The following CCDC171 variants were observed in gnomAD, a reference collection of about 807,000 sequenced individuals.
CCDC171 encodes the protein coiled-coil domain-containing protein 171.
A neutral mutation model predicts 168.2 loss-of-function variants in CCDC171; 177 were observed. The ratio of observed to expected loss-of-function variants is 1.05; its 90% confidence interval spans 0.93 to 1.19. The LOEUF (loss-of-function observed/expected upper bound fraction) is 1.19. Among genes scored for constraint, CCDC171 ranks in the 50% most tolerant of loss-of-function variants. The probability of loss-of-function intolerance (pLI) is 0.00; values close to 1 mark genes in which losing one functional copy is unlikely to be tolerated. For synonymous variants in CCDC171, 687 were observed against 540.8 expected, an observed-to-expected ratio of 1.27 and a Z score of -3.75; for missense variants, 1,991 against 1,539.0, an observed-to-expected ratio of 1.29 and a Z score of -4.91.
At chr9:15,944,640 A>G (rs558149336) in intron 25 of CCDC171, among the ~76,000 whole-genome samples, 1 of 152,060 alleles carries the variant, frequency 6.6e-6, no homozygotes, top group Non-Finnish European at 1.5e-5. Flanking sequence ...GTAGCTAGGC[A>G]TGCGGGTTTA....
At chr9:15,633,200 C>T (rs554745923) in intron 7 of CCDC171, among the ~76,000 whole-genome samples, 32 of 152,302 alleles carry the variant, frequency 2.1e-4, no homozygotes, top group Admixed American at 7.2e-4. Flanking sequence ...AGAGCTCCTA[C>T]ACAGCAAAAG....
chr9:16,002,486 A>G (rs1287840320), intron 3 of CCDC171, among the ~76,000 whole-genome samples: 1 of 152,180 alleles, frequency 6.6e-6, no homozygotes, highest in Non-Finnish European at 1.5e-5. Flanking sequence ...AGTTTTGTAC[A>G]ACTGTACGTT....
upstream of CCDC171, among the ~76,000 whole-genome samples, chr9:16,039,536 A>G (rs1833537330): frequency 6.6e-6 from 1 of 152,174 alleles, no homozygotes; most frequent in South Asian, 2.1e-4. Context: ...CTCACGGAAC[A>G]GTCTAATTTC....
chr9:16,035,036 C>T (rs889409388), intron 6 of CCDC171, among the ~76,000 whole-genome samples: 12 of 152,180 alleles, frequency 7.9e-5, no homozygotes, highest in Non-Finnish European at 1.3e-4. Flanking sequence ...CCTTTGACGT[C>T]TCCGTTAGTA....
At chr9:15,801,060 G>A (rs2058798175) in intron 21 of CCDC171, among the ~76,000 whole-genome samples, 1 of 151,806 alleles carries the variant, frequency 6.6e-6, no homozygotes, top group Non-Finnish European at 1.5e-5. Flanking sequence ...CTCCAGTTTT[G>A]TTCTTTTTGC....
At chr9:15,908,396 A>T (rs77940483) in intron 24 of CCDC171, among the ~76,000 whole-genome samples, 9 of 152,130 alleles carry the variant, frequency 5.9e-5, no homozygotes, top group African/African-American at 1.9e-4. Flanking sequence ...TCAGCCAACT[A>T]TCACAAGGAG....
intron 25 of CCDC171, among the ~76,000 whole-genome samples, chr9:15,925,403 G>A (rs1038033348): frequency 6.6e-6 from 1 of 151,654 alleles, no homozygotes; most frequent in Admixed American, 6.6e-5. Flanking sequence ...AGAAAGACCA[G>A]TGTGGCTGGC....
At chr9:15,797,689 G>A (rs938191325) in intron 21 of CCDC171, among the ~76,000 whole-genome samples, 5 of 151,788 alleles carry the variant, frequency 3.3e-5, no homozygotes, top group Admixed American at 2.0e-4. Flanking sequence ...ACATTTTGAT[G>A]AAGTATCCAT....
intron 25 of CCDC171, among the ~76,000 whole-genome samples, chr9:15,971,177 A>G (rs1831325699): frequency 6.6e-6 from 1 of 152,206 alleles, no homozygotes; most frequent in South Asian, 2.1e-4. Context: ...TTTAAAAAAC[A>G]TAAATACTCA....
chr9:15,730,359 T>C (rs1315430866), intron 16 of CCDC171, among the ~76,000 whole-genome samples: 1 of 152,000 alleles, frequency 6.6e-6, no homozygotes, highest in African/African-American at 2.4e-5. Context: ...GTAGAAGTTA[T>C]GGGTTAACAT....
At chr9:15,940,467 G>A (rs912091101) in intron 25 of CCDC171, among the ~76,000 whole-genome samples, 5 of 151,866 alleles carry the variant, frequency 3.3e-5, no homozygotes, top group African/African-American at 1.2e-4. Flanking sequence ...ATTTCTTAAT[G>A]GAAATAAGGG....
intron 18 of CCDC171, among the ~76,000 whole-genome samples, chr9:15,757,724 C>G (rs370556285): frequency 4.1e-4 from 63 of 152,242 alleles, no homozygotes; most frequent in African/African-American, 1.3e-3. Context: ...TGTCCAGTCC[C>G]AGGGTCCCCC....
At chr9:15,617,082 T>A (rs1436409590) in intron 6 of CCDC171, among the ~76,000 whole-genome samples, 2 of 152,194 alleles carry the variant, frequency 1.3e-5, no homozygotes, top group Non-Finnish European at 2.9e-5. Context: ...AGTTAGCAGT[T>A]CCTGTAATAA....
chr9:15,721,500 G>A (rs1032631711), intron 11 of CCDC171, among the ~76,000 whole-genome samples: 1 of 151,134 alleles, frequency 6.6e-6, no homozygotes, highest in Non-Finnish European at 1.5e-5. Context: ...GTAGAAAGTA[G>A]TCATAAATTT....
intron 6 of CCDC171, among the ~76,000 whole-genome samples, chr9:15,615,506 A>T (rs2044013971): frequency 6.6e-6 from 1 of 152,178 alleles, no homozygotes; most frequent in South Asian, 2.1e-4. Context: ...ATTTTATCTA[A>T]ATCTTGAAAT....
intron 18 of CCDC171, among the ~76,000 whole-genome samples, chr9:15,766,315 A>T (rs1391301143): frequency 6.6e-6 from 1 of 152,122 alleles, no homozygotes; most frequent in Non-Finnish European, 1.5e-5. Flanking sequence ...TTAGCTTGAA[A>T]ATAAGGTGAC....
intron 23 of CCDC171, among the ~76,000 whole-genome samples, chr9:15,855,852 C>A (rs1010400858): frequency 1.3e-5 from 2 of 151,872 alleles, no homozygotes; most frequent in Non-Finnish European, 2.9e-5. Context: ...CATGTTGTTA[C>A]AAATTACATT....
At position 15,956,428 on chromosome 9, in the gene CCDC171, A is replaced by G. The variant is rs564648396; in HGVS notation, c.3754-15181A>G. On this transcript the variant is annotated intron_variant, in intron 25 of 25. Coordinates refer to ENST00000380701, the MANE Select transcript of CCDC171 (RefSeq NM_173550.4). ...GGATCTGCATTTGGATGTCAGTAACAAAGAGCCCTATCTTTAAGGTTTTGT... is the reference window on the plus strand; with the variant it reads ...GGATCTGCATTTGGATGTCAGTAACGAAGAGCCCTATCTTTAAGGTTTTGT... 3.9e-5 allele frequency among the ~76,000 whole-genome samples: 6 copies of G among 152,320 alleles called. No individual in the cohort carries two copies. In the East Asian group the frequency reaches 7.7e-4, roughly 20 times the overall value.
At chr9:15,679,699 C>T (rs2049907955) in intron 10 of CCDC171, among the ~76,000 whole-genome samples, 1 of 152,082 alleles carries the variant, frequency 6.6e-6, no homozygotes, top group Admixed American at 6.6e-5. Flanking sequence ...GCAGATGTGC[C>T]ACCTTGCTTG....
Sources: allele counts gnomAD v4.1 joint callset (sites outside exome capture counted in the v4.1 genomes callset), GRCh38; gene constraint gnomAD v4.1.1; transcripts MANE v1.5; gene names NCBI Gene and HGNC (gene_info 2026-07-23, HGNC 2026-07-21).